RXFP1: variants seen among roughly 807,000 people sequenced by gnomAD.
RXFP1 encodes relaxin family peptide receptor 1, also known as relaxin receptor 1.
A neutral mutation model predicts 89.8 loss-of-function variants in RXFP1; 73 were observed. That is an observed-to-expected ratio of 0.81 (90% confidence interval 0.67 to 0.99). The LOEUF is 0.99. RXFP1 is among the 50% of genes least tolerant of loss of function. The pLI, the probability that RXFP1 is intolerant of heterozygous loss-of-function variation, is 0.00. For missense variants in RXFP1, 793 were observed against 895.5 expected (o/e 0.89, Z 1.46); for synonymous variants, 277 against 305.5 (o/e 0.91, Z 0.97).
intron 2 of RXFP1, among the ~76,000 whole-genome samples, chr4:158,585,697 C>T (rs1337127787): frequency 6.6e-6 from 1 of 152,004 alleles, no homozygotes; most frequent in Non-Finnish European, 1.5e-5. Context: ...GATAAAAGTA[C>T]CTTAGTAGTC....
intron 2 of RXFP1, among the ~76,000 whole-genome samples, chr4:158,592,430 T>TA (rs1247643200): frequency 1.3e-5 from 2 of 151,948 alleles, no homozygotes; most frequent in East Asian, 3.9e-4. Context: ...AAAAATTTGC[T>TA]AGGCGTGGTG....
At chr4:158,562,755 A>G (rs1752766505) in intron 1 of RXFP1, among the ~76,000 whole-genome samples, 1 of 152,086 alleles carries the variant, frequency 6.6e-6, no homozygotes, top group Non-Finnish European at 1.5e-5. Context: ...ATCTTAAAGT[A>G]CACATCCCCT....
chr4:158,535,884 T>C (rs1315781547), intron 1 of RXFP1, among the ~76,000 whole-genome samples: 1 of 152,234 alleles, frequency 6.6e-6, no homozygotes, highest in Non-Finnish European at 1.5e-5. Context: ...TCCCTTGTGT[T>C]ATTTTCCAAC....
intron 14 of RXFP1, among the ~76,000 whole-genome samples, chr4:158,644,053 T>A (rs1770983217): frequency 6.8e-6 from 1 of 147,096 alleles, no homozygotes; most frequent in African/African-American, 2.5e-5. Context: ...TTTTTTTTTT[T>A]TTTTTTTTGG....
chr4:158,543,740 T>C (rs1253465067), intron 1 of RXFP1: 3 of 983,306 alleles, frequency 3.1e-6, no homozygotes, highest in Non-Finnish European at 3.6e-6. Context: ...AAGAATGAAC[T>C]TTCAAACTTT....
chr4:158,586,304 A>G (rs1361945030), intron 2 of RXFP1, among the ~76,000 whole-genome samples: 2 of 152,220 alleles, frequency 1.3e-5, no homozygotes, highest in Non-Finnish European at 2.9e-5. Flanking sequence ...GATTTTTCTT[A>G]ATCTATGTTT....
At chr4:158,527,915 A>G (rs925580865) in intron 1 of RXFP1, among the ~76,000 whole-genome samples, 3 of 152,156 alleles carry the variant, frequency 2.0e-5, no homozygotes, top group Admixed American at 6.6e-5. Flanking sequence ...CAAATTTCAT[A>G]TGTAGGACAA....
chr4:158,544,264 G>C, intron 1 of RXFP1: 1 of 985,202 alleles, frequency 1.0e-6, no homozygotes, highest in Non-Finnish European at 1.2e-6. Flanking sequence ...CATCATGTTT[G>C]TTTCTGACCT....
intron 1 of RXFP1, among the ~76,000 whole-genome samples, chr4:158,528,836 G>C (rs1743259147): frequency 2.0e-5 from 3 of 152,074 alleles, no homozygotes; most frequent in African/African-American, 7.2e-5. Context: ...TCTTTTTTCT[G>C]GGTGCCCCAG....
chr4:158,617,223 T>A lies in RXFP1; in HGVS notation c.755+18T>A. 6.4e-7 allele frequency: 1 copy of A among 1,571,444 alleles called. No homozygotes were observed. Among genetic ancestry groups the A allele is most frequent in the Non-Finnish European group, 8.7e-7 (1 of 1,151,994 alleles). ...CATTGGCTGTAAGCGATTCTGTCTT[T>A]TTTTAAAGAACTCAACTAAATTTTC... is the stretch of plus-strand genomic sequence containing the variant. On this transcript the variant is annotated intron_variant, in intron 9 of 17. Coordinates refer to ENST00000307765, the MANE Select transcript of RXFP1 (RefSeq NM_021634.4).
intron 12 of RXFP1, among the ~76,000 whole-genome samples, chr4:158,637,204 T>C (rs1450168491): frequency 6.6e-6 from 1 of 152,216 alleles, no homozygotes; most frequent in Non-Finnish European, 1.5e-5. Flanking sequence ...GCAATGAATA[T>C]GGGAGTACAG....
intron 6 of RXFP1, 77 bp from the exon 7 acceptor site, chr4:158,612,053 T>C: frequency 1.7e-6 from 2 of 1,207,724 alleles, no homozygotes; most frequent in East Asian, 2.4e-5. Flanking sequence ...TTAAGATGGA[T>C]GATTATTGTT....
intron 1 of RXFP1, among the ~76,000 whole-genome samples, chr4:158,529,041 C>G (rs768101672): frequency 1.2e-4 from 19 of 152,224 alleles, no homozygotes; most frequent in Non-Finnish European, 2.5e-4. Flanking sequence ...CCAGCACACA[C>G]AGTTTCCTGA....
intron 6 of RXFP1, among the ~76,000 whole-genome samples, chr4:158,611,513 A>G (rs1314737058): frequency 2.0e-5 from 3 of 152,048 alleles, no homozygotes; most frequent in Non-Finnish European, 2.9e-5. Flanking sequence ...GGCCCCATTG[A>G]ATTACCTGGT....
intron 1 of RXFP1, among the ~76,000 whole-genome samples, chr4:158,528,966 G>A: frequency 6.6e-6 from 1 of 152,226 alleles, no homozygotes; most frequent in Non-Finnish European, 1.5e-5. Context: ...AGGGCGGACA[G>A]TGGAGGCCCT....
chr4:158,574,119 T>C (rs1755726875), intron 2 of RXFP1, among the ~76,000 whole-genome samples: 1 of 152,188 alleles, frequency 6.6e-6, no homozygotes, highest in Non-Finnish European at 1.5e-5. Flanking sequence ...ACCTGAATTG[T>C]TTGGATCTGA....
rs1045052025 is a variant in RXFP1, at chr4:158,648,681, G to A, written c.1939G>A (p.Val647Met). The A allele has an allele frequency of 1.2e-6, 2 of 1,608,642 alleles. No homozygotes were observed. The highest frequency in any genetic ancestry group is 2.7e-5 in the African/African-American group (2 of 74,568). Reference sequence around the variant, plus strand: ...ATTATGCTGGATACCCATTTTTGTAGTGAAATTTCTTTCACTGCTTCAGGT... The same window carrying A: ...ATTATGCTGGATACCCATTTTTGTAATGAAATTTCTTTCACTGCTTCAGGT... ...DALCWIPIFVVKFLSLLQVEI... is the reference protein window; with the variant it reads ...DALCWIPIFVMKFLSLLQVEI... The change falls in exon 17 of 18, where the codon GTG becomes ATG. Residue 647 changes from valine to methionine, a missense_variant. Coordinates refer to ENST00000307765, the MANE Select transcript of RXFP1 (RefSeq NM_021634.4).
At chr4:158,525,047 CT>C (rs1336295533) in intron 1 of RXFP1, among the ~76,000 whole-genome samples, 1 of 152,098 alleles carries the variant, frequency 6.6e-6, no homozygotes, top group African/African-American at 2.4e-5. Flanking sequence ...CAGATTTTTT[CT>C]GTAACTATGA....
intron 8 of RXFP1, among the ~76,000 whole-genome samples, chr4:158,615,729 C>T (rs897395710): frequency 6.6e-6 from 1 of 151,782 alleles, no homozygotes; most frequent in African/African-American, 2.4e-5. Flanking sequence ...GGATAGCTTG[C>T]AGCCAGGAGT....
Sources: gnomAD v4.1 joint callset for allele counts (sites outside exome capture counted in the v4.1 genomes callset) on GRCh38, gnomAD v4.1.1 for gene constraint, MANE v1.5 for transcripts, NCBI Gene and HGNC (gene_info 2026-07-23, HGNC 2026-07-21) for gene names.